The following SPTLC1 variants were observed in gnomAD, a reference collection of about 807,000 sequenced individuals.
SPTLC1 encodes the protein serine palmitoyltransferase long chain base subunit 1.
In SPTLC1, 55 loss-of-function variants were observed where a neutral mutation model predicts 68.9. The ratio of observed to expected loss-of-function variants is 0.80; its 90% confidence interval spans 0.64 to 1.00. The LOEUF (loss-of-function observed/expected upper bound fraction) is 1.00, where lower values mean the gene tolerates loss of function less well. SPTLC1 is among the 50% of genes least tolerant of loss of function. The pLI, the probability that SPTLC1 is intolerant of heterozygous loss-of-function variation, is 0.00. For missense variants in SPTLC1, 449 were observed against 573.1 expected, an observed-to-expected ratio of 0.78 and a Z score of 2.21; for synonymous variants, 197 against 201.6, an observed-to-expected ratio of 0.98 and a Z score of 0.19.
intron 14 of SPTLC1, 101 bp from the exon 15 acceptor site, chr9:92,032,659 G>C: frequency 1.4e-6 from 2 of 1,455,956 alleles, no homozygotes; most frequent in Non-Finnish European, 1.9e-6. Context: ...GGTGGATCAC[G>C]AGGTCAGGAG....
intron 5 of SPTLC1, among the ~76,000 whole-genome samples, chr9:92,068,827 C>T (rs757330582): frequency 3.9e-5 from 6 of 152,260 alleles, no homozygotes; most frequent in South Asian, 2.1e-4. Flanking sequence ...TGCCCTCGGA[C>T]GGAGGACCAG....
intron 3 of SPTLC1, among the ~76,000 whole-genome samples, chr9:92,085,933 G>A (rs966663493): frequency 3.3e-5 from 5 of 151,854 alleles, no homozygotes; most frequent in Non-Finnish European, 4.4e-5. Context: ...CTCCTGTATT[G>A]GGTGCATATA....
chr9:92,100,551 C>G (rs549060145), intron 3 of SPTLC1, among the ~76,000 whole-genome samples: 1 of 152,150 alleles, frequency 6.6e-6, no homozygotes, highest in Non-Finnish European at 1.5e-5. Flanking sequence ...GCCATCAGTG[C>G]GCTCACCAAC....
In SPTLC1 at chr9:92,054,672, T is replaced by C. The variant is rs141936509; in HGVS notation, c.780+733A>G. ...GCTCATGCCTGTAATCCCAGCATTTTGGGAGGCCCAGGCGGGCAGATCATG... is the reference window on the plus strand; with the variant it reads ...GCTCATGCCTGTAATCCCAGCATTTCGGGAGGCCCAGGCGGGCAGATCATG... On this transcript the variant is annotated intron_variant, in intron 8 of 14. Coordinates refer to ENST00000262554, the MANE Select transcript of SPTLC1 (RefSeq NM_006415.4). 2.6e-3 allele frequency among the ~76,000 whole-genome samples: 392 copies of C among 152,340 alleles called. 2 individuals are homozygous for C. The highest frequency in any genetic ancestry group is 8.9e-3 in the African/African-American group (371 of 41,584).
At chr9:92,090,233 C>G (rs1014420290) in intron 3 of SPTLC1, among the ~76,000 whole-genome samples, 1 of 152,064 alleles carries the variant, frequency 6.6e-6, no homozygotes, top group Non-Finnish European at 1.5e-5. Flanking sequence ...TATCAGACAT[C>G]AAGAAAGGGG....
chr9:92,080,821 C>G, intron 4 of SPTLC1, 49 bp downstream of exon 4: 1 of 1,465,888 alleles, frequency 6.8e-7, no homozygotes, highest in Non-Finnish European at 9.6e-7. Context: ...TGTCTAGTTT[C>G]TTAAATCAGT....
chr9:92,060,955 A>G (rs527836160), intron 6 of SPTLC1, among the ~76,000 whole-genome samples: 12 of 151,962 alleles, frequency 7.9e-5, no homozygotes, highest in Non-Finnish European at 1.6e-4. Flanking sequence ...TTCACTGAGC[A>G]CAACAGGAAG....
chr9:92,045,651 A>T (rs1833489623), intron 12 of SPTLC1, among the ~76,000 whole-genome samples: 1 of 152,016 alleles, frequency 6.6e-6, no homozygotes, highest in Non-Finnish European at 1.5e-5. Context: ...CTAATTACAT[A>T]ATATATAATG....
intron 8 of SPTLC1, among the ~76,000 whole-genome samples, chr9:92,052,533 T>A (rs887417387): frequency 1.3e-5 from 2 of 150,834 alleles, no homozygotes; most frequent in Non-Finnish European, 3.0e-5. Context: ...TTATTATTAT[T>A]ATTTTTTTTT....
chr9:92,114,496 G>A (rs1836364360), intron 1 of SPTLC1, among the ~76,000 whole-genome samples: 1 of 152,122 alleles, frequency 6.6e-6, no homozygotes, highest in African/African-American at 2.4e-5. Flanking sequence ...AGCACTTTGG[G>A]AGGCCAAGGC....
chr9:92,073,965 C>T (rs1834587193), intron 5 of SPTLC1, among the ~76,000 whole-genome samples: 1 of 152,238 alleles, frequency 6.6e-6, no homozygotes, highest in Non-Finnish European at 1.5e-5. Flanking sequence ...AGCCATGCCC[C>T]TGTGTGGGCC....
In SPTLC1 at chr9:92,055,507, A is replaced by T. The variant is rs1833859115; in HGVS notation, c.691-13T>A. 6.2e-7 allele frequency: 1 copy of T among 1,611,424 alleles called. No homozygotes were observed. The highest frequency in any genetic ancestry group is 1.1e-5 in the South Asian group (1 of 91,086). On this transcript the variant is annotated splice_polypyrimidine_tract_variant and intron_variant, in intron 7 of 14. Coordinates refer to ENST00000262554, the MANE Select transcript of SPTLC1 (RefSeq NM_006415.4). ...CCTTGCGAGGATTCTTTAAAAGAGA[A>T]AAAGCAGACATCTTACATTTCAGTA... is the stretch of plus-strand genomic sequence containing the variant.
At chr9:92,083,312 G>A (rs896573687) in intron 3 of SPTLC1, among the ~76,000 whole-genome samples, 2 of 152,148 alleles carry the variant, frequency 1.3e-5, no homozygotes, top group African/African-American at 4.8e-5. Flanking sequence ...TGAAGTCCTT[G>A]CCCATGCCTA....
At chr9:92,114,744 AAAAC>A (rs1312847373) in intron 1 of SPTLC1, among the ~76,000 whole-genome samples, 10 of 146,618 alleles carry the variant, frequency 6.8e-5, no homozygotes, top group Non-Finnish European at 1.4e-4. Flanking sequence ...TCAAAAAAAA[AAAAC>A]AAAAATAAAT....
chr9:92,060,318 T>C (rs899940875), intron 6 of SPTLC1, among the ~76,000 whole-genome samples: 6 of 152,228 alleles, frequency 3.9e-5, no homozygotes, highest in African/African-American at 1.4e-4. Context: ...AACCAGAAGA[T>C]ATCAAGTAGA....
intron 5 of SPTLC1, among the ~76,000 whole-genome samples, chr9:92,071,296 A>C (rs1369503524): frequency 6.6e-6 from 1 of 151,570 alleles, no homozygotes; most frequent in East Asian, 1.9e-4. Context: ...GCTACCTGGG[A>C]GGCTGAGGCA....
chr9:92,065,532 A>G (rs982925792), intron 6 of SPTLC1, among the ~76,000 whole-genome samples: 168 of 152,200 alleles, frequency 1.1e-3, no homozygotes, highest in African/African-American at 3.8e-3. Flanking sequence ...AAAAAAAAAA[A>G]CACAATGTAG....
intron 3 of SPTLC1, chr9:92,104,705 CA>C: frequency 6.5e-7 from 1 of 1,528,442 alleles, no homozygotes; most frequent in Non-Finnish European, 8.8e-7. Context: ...GGTAGAGACC[CA>C]GGGGCAGGAG....
chr9:92,094,587 C>T (rs1218679903), intron 3 of SPTLC1, among the ~76,000 whole-genome samples: 2 of 152,212 alleles, frequency 1.3e-5, no homozygotes, highest in Non-Finnish European at 1.5e-5. Context: ...ACTATGATTT[C>T]TGAGATTATC....
Sources: allele counts gnomAD v4.1 joint callset (sites outside exome capture counted in the v4.1 genomes callset), GRCh38; gene constraint gnomAD v4.1.1; transcripts MANE v1.5; gene names NCBI Gene and HGNC (gene_info 2026-07-23, HGNC 2026-07-21).